The following CALU variants were observed in gnomAD, a reference collection of about 807,000 sequenced individuals.
CALU encodes calumenin.
A neutral mutation model predicts 37.5 loss-of-function variants in CALU; 13 were observed. That is an observed-to-expected ratio of 0.35 (90% confidence interval 0.23 to 0.55). The LOEUF is 0.55. Among genes scored for constraint, CALU ranks in the 20% least tolerant of loss-of-function variants. The pLI is 0.89. For synonymous variants in CALU, 114 were observed against 133.8 expected (o/e 0.85, Z 1.02); for missense variants, 282 against 391.7 (o/e 0.72, Z 2.36).
At position 128,767,665 on chromosome 7, in the gene CALU, G is replaced by T; in HGVS notation, c.843+10G>T. ...ATCAGACCAAAACAAGGTAAGTCTG[G>T]CGAGGCCCACACGCTCTATCCTTGA... On this transcript the variant is annotated intron_variant, in intron 6 of 6. Transcript: ENST00000249364. 6.2e-7 allele frequency: 1 copy of T among 1,611,072 alleles called. No individual in the cohort carries two copies. The highest frequency in any genetic ancestry group is 8.5e-7 in the Non-Finnish European group (1 of 1,177,428).
chr7:128,759,686 A>G (rs1428676296), intron 4 of CALU, 106 bp from the exon 5 acceptor site: 4 of 690,934 alleles, frequency 5.8e-6, no homozygotes, highest in South Asian at 2.9e-5. Flanking sequence ...TACATGTACA[A>G]GTGTGTTTAA....
chr7:128,764,965 A>G (rs1053521397), intron 5 of CALU, among the ~76,000 whole-genome samples: 2 of 152,150 alleles, frequency 1.3e-5, no homozygotes, highest in Non-Finnish European at 2.9e-5. Flanking sequence ...TCTGTTGCCC[A>G]TGTTGGTGTG....
chr7:128,753,059 A>C (rs1234542152), intron 2 of CALU, among the ~76,000 whole-genome samples: 1 of 152,230 alleles, frequency 6.6e-6, no homozygotes, highest in East Asian at 1.9e-4. Context: ...TCTCTGAAGG[A>C]AAATGCTAGT....
intron 2 of CALU, among the ~76,000 whole-genome samples, chr7:128,752,997 A>G (rs760623971): frequency 2.6e-5 from 4 of 152,132 alleles, no homozygotes; most frequent in Non-Finnish European, 5.9e-5. Flanking sequence ...GCCAGAGATA[A>G]CTTCTTACTG....
In CALU at chr7:128,767,519, A is replaced by G; in HGVS notation, c.707A>G (p.Gln236Arg). 1 of 1,614,156 alleles carries G rather than the reference A, an allele frequency of 6.2e-7. No homozygotes were observed. Among genetic ancestry groups the G allele is most frequent in the Non-Finnish European group, 8.5e-7 (1 of 1,179,968 alleles). Residue 236 changes from glutamine to arginine, a missense_variant, in exon 6 of 7, where the codon CAG becomes CGG. Coordinates refer to ENST00000249364, the MANE Select transcript of CALU (RefSeq NM_001219.5). ...EPEWVKTERE[Q>R]FVEFRDKNRD... Reference sequence around the variant, plus strand: ...GAATGGGTAAAGACAGAGCGAGAGCAGTTTGTTGAGTTTCGGGATAAGAAC... The same window carrying G: ...GAATGGGTAAAGACAGAGCGAGAGCGGTTTGTTGAGTTTCGGGATAAGAAC...
At chr7:128,755,572 C>T (rs1429145855) in intron 3 of CALU, among the ~76,000 whole-genome samples, 1 of 152,180 alleles carries the variant, frequency 6.6e-6, no homozygotes, top group Non-Finnish European at 1.5e-5. Flanking sequence ...ATGAGTTTAT[C>T]AGCCTGCTTT....
intron 5 of CALU, among the ~76,000 whole-genome samples, chr7:128,765,131 TC>T (rs1247304306): frequency 6.6e-6 from 1 of 152,134 alleles, no homozygotes; most frequent in Non-Finnish European, 1.5e-5. Flanking sequence ...CCCAGGCTGG[TC>T]TGGAAATCCT....
chr7:128,755,688 T>C (rs1374851762), intron 3 of CALU, among the ~76,000 whole-genome samples: 1 of 152,256 alleles, frequency 6.6e-6, no homozygotes. Flanking sequence ...TTGTAACACT[T>C]GCCTGCTGCT....
At position 128,767,545 on chromosome 7, in the gene CALU, C is replaced by G. The variant is rs765774964; in HGVS notation, c.733C>G (p.Arg245Gly). The G allele has an allele frequency of 1.9e-6, 3 of 1,613,896 alleles. No homozygotes were observed. The highest frequency in any genetic ancestry group is 2.5e-6 in the Non-Finnish European group (3 of 1,179,846). The part of the protein sequence containing the change: ...EQFVEFRDKN[R>G]DGKMDKEETK... Reference sequence around the variant, plus strand: ...GTTTGTTGAGTTTCGGGATAAGAACCGTGATGGGAAGATGGACAAGGAAGA... The same window carrying G: ...GTTTGTTGAGTTTCGGGATAAGAACGGTGATGGGAAGATGGACAAGGAAGA... The change falls in exon 6 of 7, where the codon CGT becomes GGT. Residue 245 changes from arginine to glycine, a missense_variant. Physicochemically the swap from Arg to Gly is moderately radical, Grantham distance 125 (BLOSUM62 -2). Transcript: ENST00000249364.
rs559170500 is a variant in CALU at position 128,750,490 on chromosome 7, A to G, written c.221+1686A>G. Reference sequence around the variant, plus strand: ...GTATTCCTTTTTGTGATCAGTGGATATTAAAAGTTTGTCACATATGCAGAT... The same window carrying G: ...GTATTCCTTTTTGTGATCAGTGGATGTTAAAAGTTTGTCACATATGCAGAT... On this transcript the variant is annotated intron_variant, in intron 2 of 6. Transcript: ENST00000249364. Among the ~76,000 whole-genome samples, 9 of 152,334 alleles carry G rather than the reference A, an allele frequency of 5.9e-5. No homozygotes were observed. In the South Asian group the frequency reaches 1.9e-3, roughly 32 times the overall value.
chr7:128,771,199 A>C lies in CALU; in HGVS notation c.*2032A>C, dbSNP rs1299575219. On this transcript the variant is annotated 3_prime_UTR_variant, in exon 7 of 7. Transcript: ENST00000249364. ...CAGAGAGCCCAGGCCTTATGTTAAA[A>C]TCATGCACTTGAAAAGCAAACCTTA... 2.0e-5 allele frequency: 3 copies of C among 152,460 alleles called. No individual in the cohort carries two copies. Among genetic ancestry groups the C allele is most frequent in the Non-Finnish European group, 2.9e-5 (2 of 68,058 alleles). The allele number at this position is 152,460 out of a possible 1,614,324, so 9.4% of individuals were successfully genotyped here.
At chr7:128,767,088 G>T (rs762414294) in intron 5 of CALU, among the ~76,000 whole-genome samples, 3 of 152,162 alleles carry the variant, frequency 2.0e-5, no homozygotes, top group Non-Finnish European at 4.4e-5. Flanking sequence ...GTAGTAATTG[G>T]CTACACCTTT....
chr7:128,767,403 C>G, intron 5 of CALU, 53 bp from the exon 6 acceptor site: 1 of 1,366,162 alleles, frequency 7.3e-7, no homozygotes, highest in Admixed American at 1.7e-5. Context: ...TAGCATGAGG[C>G]AGTTTTGGGG....
Position 128,754,459 on chromosome 7 carries a change from G to A in CALU, c.415+4G>A. 6.2e-7 allele frequency: 1 copy of A among 1,610,954 alleles called. No individual in the cohort carries two copies. Among genetic ancestry groups the A allele is most frequent in the Non-Finnish European group, 8.5e-7 (1 of 1,178,428 alleles). On this transcript the variant is annotated splice_donor_region_variant and intron_variant, in intron 3 of 6. Transcript: ENST00000249364. ...GCCACCTACGGCTACGTTTTAGGTA[G>A]GTCCCTACTGTCTGGGGGAAAAAGC...
chr7:128,750,163 G>T (rs1301297490), intron 2 of CALU, among the ~76,000 whole-genome samples: 4 of 149,794 alleles, frequency 2.7e-5, no homozygotes, highest in African/African-American at 9.9e-5. Context: ...GGGAGGTGGA[G>T]CTTGTAGTGA....
At chr7:128,747,170 G>C (rs757446129) in intron 1 of CALU, among the ~76,000 whole-genome samples, 51 of 152,100 alleles carry the variant, frequency 3.4e-4, no homozygotes, top group Non-Finnish European at 6.8e-4. Flanking sequence ...ATTGTGAACT[G>C]TCATCATTGA....
At position 128,772,652 on chromosome 7, in the gene CALU, G is replaced by A. The variant is rs778128511; in HGVS notation, c.*3485G>A. On this transcript the variant is annotated 3_prime_UTR_variant, in exon 7 of 7. Transcript: ENST00000249364. ...CCCACACACCATCTTCATGATGCAA[G>A]CTTGGAACTGGAGAGAAAGGTACAA... 6.8e-6 allele frequency: 11 copies of A among 1,614,094 alleles called. No individual in the cohort carries two copies. Among genetic ancestry groups the A allele is most frequent in the Non-Finnish European group, 9.3e-6 (11 of 1,179,976 alleles).
chr7:128,759,933 C>T, intron 5 of CALU, 81 bp downstream of exon 5: 3 of 813,376 alleles, frequency 3.7e-6, no homozygotes, highest in Non-Finnish European at 6.3e-6. Context: ...CACAGTGGCT[C>T]ATGCCTGTAA....
chr7:128,759,102 C>G, intron 4 of CALU, 65 bp downstream of exon 4: 13 of 1,279,266 alleles, frequency 1.0e-5, no homozygotes, highest in Non-Finnish European at 1.4e-5. Flanking sequence ...TTCTGTCTTT[C>G]CCCTTTAGCC....
Sources: gnomAD v4.1 joint callset for allele counts (sites outside exome capture counted in the v4.1 genomes callset) on GRCh38, gnomAD v4.1.1 for gene constraint, MANE v1.5 for transcripts, NCBI Gene and HGNC (gene_info 2026-07-23, HGNC 2026-07-21) for gene names.